The following UNC13C variants were observed in gnomAD, a reference collection of about 807,000 sequenced individuals.
UNC13C encodes protein unc-13 homolog C.
A neutral mutation model predicts 245.4 loss-of-function variants in UNC13C; 174 were observed. The observed-to-expected ratio is 0.71, with a 90% CI of 0.63 to 0.80. The LOEUF is 0.80. UNC13C is among the 30% of genes least tolerant of loss of function. UNC13C has a pLI of 0.00. For missense variants in UNC13C, 2,829 were observed against 2,602.9 expected, an observed-to-expected ratio of 1.09 and a Z score of -1.89; for synonymous variants, 992 against 895.1, an observed-to-expected ratio of 1.11 and a Z score of -1.93.
At chr15:53,892,721 A>G in the UNC13C span, among the ~76,000 whole-genome samples, 1 of 152,094 alleles carries the variant, frequency 6.6e-6, no homozygotes, top group African/African-American at 2.4e-5. Context: ...TTTCAGCTCC[A>G]TCAGGTCATT....
intron 2 of UNC13C, among the ~76,000 whole-genome samples, chr15:54,055,886 T>A (rs573312358): frequency 6.6e-6 from 1 of 152,234 alleles, no homozygotes; most frequent in South Asian, 2.1e-4. Flanking sequence ...TCAGGACACC[T>A]GATGATGAAA....
intron 7 of UNC13C, among the ~76,000 whole-genome samples, chr15:54,238,163 C>T (rs2035757698): frequency 6.7e-6 from 1 of 150,304 alleles, no homozygotes; most frequent in Non-Finnish European, 1.5e-5. Context: ...CAACCTCCAC[C>T]TCCTGGGTTC....
At chr15:54,132,733 A>G (rs2031503535) in intron 2 of UNC13C, among the ~76,000 whole-genome samples, 1 of 152,208 alleles carries the variant, frequency 6.6e-6, no homozygotes, top group Non-Finnish European at 1.5e-5. Flanking sequence ...CTACACATGT[A>G]TCAAAGTCGT....
chr15:54,148,403 A>G (rs929910607), intron 4 of UNC13C, among the ~76,000 whole-genome samples: 3 of 152,212 alleles, frequency 2.0e-5, no homozygotes, highest in Non-Finnish European at 4.4e-5. Flanking sequence ...GTAGAACTCA[A>G]TGTCAGTTAG....
intron 30 of UNC13C, among the ~76,000 whole-genome samples, chr15:54,580,060 G>C (rs1898133796): frequency 6.6e-6 from 1 of 152,136 alleles, no homozygotes; most frequent in Non-Finnish European, 1.5e-5. Flanking sequence ...TGACATGTCA[G>C]AAAATTACTC....
At chr15:54,156,267 C>T (rs937029464) in intron 4 of UNC13C, among the ~76,000 whole-genome samples, 1 of 152,140 alleles carries the variant, frequency 6.6e-6, no homozygotes, top group African/African-American at 2.4e-5. Flanking sequence ...AGAATTTTTA[C>T]ACAACTCTGT....
the UNC13C span, among the ~76,000 whole-genome samples, chr15:53,926,921 C>T: frequency 7.2e-5 from 11 of 152,248 alleles, no homozygotes; most frequent in African/African-American, 2.6e-4. Flanking sequence ...TTGGACTGGA[C>T]AGGTAAGCAG....
intron 4 of UNC13C, among the ~76,000 whole-genome samples, chr15:54,208,965 C>G (rs1567099340): frequency 6.6e-6 from 1 of 152,104 alleles, no homozygotes; most frequent in Non-Finnish European, 1.5e-5. Flanking sequence ...AACATTAACT[C>G]CTTTATGCAA....
At chr15:53,949,949 T>G in the UNC13C span, among the ~76,000 whole-genome samples, 1 of 152,222 alleles carries the variant, frequency 6.6e-6, no homozygotes, top group Non-Finnish European at 1.5e-5. Context: ...GCTCTGCTAT[T>G]TGTTTTTTCA....
At chr15:54,142,977 C>A (rs780321738) in intron 2 of UNC13C, 41 bp from the exon 3 acceptor site, 63 of 1,583,118 alleles carry the variant, frequency 4.0e-5, no homozygotes, top group Middle Eastern at 1.7e-4. Flanking sequence ...GAAAAGTACT[C>A]CATCTAACAT....
intron 13 of UNC13C, among the ~76,000 whole-genome samples, chr15:54,303,632 T>C (rs898698337): frequency 1.1e-4 from 16 of 151,792 alleles, no homozygotes; most frequent in African/African-American, 3.6e-4. Flanking sequence ...TTTCTTTTTT[T>C]TTTTTTTTCC....
chr15:53,978,327 G>C (rs1893780241), upstream of UNC13C, among the ~76,000 whole-genome samples: 1 of 152,152 alleles, frequency 6.6e-6, no homozygotes, highest in Admixed American at 6.5e-5. Flanking sequence ...CGTCTCCTGT[G>C]AGCAGGGGCT....
At chr15:53,896,001 A>G in the UNC13C span, among the ~76,000 whole-genome samples, 3 of 106,460 alleles carry the variant, frequency 2.8e-5, no homozygotes, top group African/African-American at 1.2e-4. Flanking sequence ...ATTTTATTTG[A>G]TTTTTACTTT....
chr15:54,596,590 T>C (rs888895816), intron 30 of UNC13C, among the ~76,000 whole-genome samples: 1 of 152,150 alleles, frequency 6.6e-6, no homozygotes, highest in Admixed American at 6.5e-5. Flanking sequence ...GCAGGAGGAC[T>C]GGGGATATCA....
intron 30 of UNC13C, among the ~76,000 whole-genome samples, chr15:54,570,462 CA>C (rs1166897712): frequency 6.6e-6 from 1 of 152,158 alleles, no homozygotes; most frequent in East Asian, 1.9e-4. Flanking sequence ...TGTACATAAG[CA>C]TTTATACTTC....
chr15:54,158,782 C>T (rs536210335), intron 4 of UNC13C, among the ~76,000 whole-genome samples: 4 of 151,750 alleles, frequency 2.6e-5, no homozygotes, highest in East Asian at 1.9e-4. Context: ...CCCAAATAGC[C>T]GAGACCACAG....
intron 2 of UNC13C, among the ~76,000 whole-genome samples, chr15:54,092,598 T>C (rs1899633750): frequency 6.6e-6 from 1 of 152,096 alleles, no homozygotes; most frequent in Non-Finnish European, 1.5e-5. Flanking sequence ...GTCCCCTTAA[T>C]CCCCAAGAAC....
At chr15:54,050,073 A>T (rs1595769407) in intron 2 of UNC13C, 3 of 319,138 alleles carry the variant, frequency 9.4e-6, no homozygotes, top group Middle Eastern at 1.1e-3. Flanking sequence ...AGGTTCAAGC[A>T]ATTCTCCTGC....
chr15:54,469,300 C>T (rs1199060446), intron 19 of UNC13C, among the ~76,000 whole-genome samples: 1 of 151,472 alleles, frequency 6.6e-6, no homozygotes, highest in Non-Finnish European at 1.5e-5. Flanking sequence ...CACTGAGTTC[C>T]TTTATGAGTT....
Sources: gnomAD v4.1 joint callset for allele counts (sites outside exome capture counted in the v4.1 genomes callset) on GRCh38, gnomAD v4.1.1 for gene constraint, MANE v1.5 for transcripts, NCBI Gene and HGNC (gene_info 2026-07-23, HGNC 2026-07-21) for gene names.